Variants in SLC36A2 observed in about 807,000 individuals in gnomAD.
SLC36A2 encodes proton-coupled amino acid transporter 2.
SLC36A2 carries 39 observed loss-of-function variants against 42.7 expected under a neutral mutation model. That is an observed-to-expected ratio of 0.91 (90% CI 0.71 to 1.19). The LOEUF is 1.19. SLC36A2 is among the 50% of genes most tolerant of loss of function. SLC36A2 has a pLI of 0.00. For missense variants in SLC36A2, 590 were observed against 613.7 expected, an observed-to-expected ratio of 0.96 and a Z score of 0.41; for synonymous variants, 237 against 240.8, an observed-to-expected ratio of 0.98 and a Z score of 0.15.
chr5:151,339,184 A>T, intron 4 of SLC36A2, 40 bp from the exon 5 acceptor site: 1 of 1,497,088 alleles, frequency 6.7e-7, no homozygotes, highest in Non-Finnish European at 9.3e-7. Context: ...ACTTGTTATA[A>T]AATAAGTCAA....
At chr5:151,340,255 G>C (rs1756301687) in intron 4 of SLC36A2, among the ~76,000 whole-genome samples, 1 of 146,428 alleles carries the variant, frequency 6.8e-6, no homozygotes, top group Non-Finnish European at 1.5e-5. Flanking sequence ...GGGGGAAGAA[G>C]AGGAGGAGGT....
intron 9 of SLC36A2, chr5:151,319,113 T>C (rs1755607753): frequency 1.0e-6 from 1 of 965,286 alleles, no homozygotes; most frequent in South Asian, 4.8e-5. Flanking sequence ...TTGTGATTCA[T>C]TCTGCATAGG....
chr5:151,329,144 T>A (rs927448883), intron 7 of SLC36A2, among the ~76,000 whole-genome samples: 4 of 152,228 alleles, frequency 2.6e-5, no homozygotes, highest in African/African-American at 9.7e-5. Flanking sequence ...ATGGGAAGCA[T>A]CAAAGCAAAG....
At chr5:151,343,069 C>T in intron 3 of SLC36A2, 86 bp from the exon 4 acceptor site, 1 of 1,053,788 alleles carries the variant, frequency 9.5e-7, no homozygotes. Flanking sequence ...CAGAACAAGG[C>T]AGGACACAGC....
At chr5:151,325,848 T>A (rs570898301) in intron 7 of SLC36A2, among the ~76,000 whole-genome samples, 1 of 152,194 alleles carries the variant, frequency 6.6e-6, no homozygotes, top group African/African-American at 2.4e-5. Flanking sequence ...AGAGGCAGAA[T>A]GCTAGTTGGG....
At chr5:151,319,233 T>A in intron 9 of SLC36A2, 2 of 544,048 alleles carry the variant, frequency 3.7e-6, no homozygotes, top group Non-Finnish European at 4.7e-6. Context: ...CATGAAGAAG[T>A]GTAGTGTAGG....
chr5:151,332,287 A>C (rs1450874280), intron 7 of SLC36A2: 1 of 365,608 alleles, frequency 2.7e-6, no homozygotes, highest in Non-Finnish European at 5.4e-6. Context: ...ATATATAAAG[A>C]ACTCTTAAAA....
intron 7 of SLC36A2, 93 bp from the exon 8 acceptor site, chr5:151,325,545 G>A: frequency 7.7e-7 from 1 of 1,294,704 alleles, no homozygotes; most frequent in East Asian, 2.3e-5. Context: ...CCAAAGAACT[G>A]AAAGCAGGGC....
At chr5:151,342,607 C>T (rs1561662076) in intron 4 of SLC36A2, among the ~76,000 whole-genome samples, 1 of 152,168 alleles carries the variant, frequency 6.6e-6, no homozygotes, top group African/African-American at 2.4e-5. Flanking sequence ...TCTTCTCAGT[C>T]CCCATGACAT....
rs762483509 is a variant in SLC36A2, at chr5:151,317,080, C to T, written c.1189G>A (p.Ala397Thr). The change falls in exon 10 of 10, where the codon GCC becomes ACC. Residue 397 changes from alanine (A) to threonine (T), a missense_variant. Coordinates refer to ENST00000335244, the MANE Select transcript of SLC36A2 (RefSeq NM_181776.3). ...LVMVCLTCLL[A>T]ILIPRLDLVI... The stretch of plus-strand genomic sequence containing the variant: ...AGGTCCAGGCGGGGGATGAGGATGG[C>T]CAGGAGGCCTGCAGGGAGAGGATAG... The T allele has an allele frequency of 6.2e-7, 1 of 1,614,030 alleles. No homozygotes were observed.
At chr5:151,321,904 C>T in intron 9 of SLC36A2, 142 bp downstream of exon 9, 3 of 1,005,564 alleles carry the variant, frequency 3.0e-6, no homozygotes, top group Admixed American at 3.9e-5. Flanking sequence ...TCTGAAACTC[C>T]TGACCTCAGG....
intron 6 of SLC36A2, among the ~76,000 whole-genome samples, chr5:151,333,999 T>C (rs1756075621): frequency 6.6e-6 from 1 of 152,192 alleles, no homozygotes; most frequent in South Asian, 2.1e-4. Flanking sequence ...AAAGTATGAG[T>C]TAAATATGAA....
intron 8 of SLC36A2, among the ~76,000 whole-genome samples, chr5:151,324,093 A>T (rs934196963): frequency 6.6e-6 from 1 of 152,178 alleles, no homozygotes; most frequent in African/African-American, 2.4e-5. Flanking sequence ...TGAATTGAGT[A>T]TGCTAGAACA....
intron 7 of SLC36A2, among the ~76,000 whole-genome samples, chr5:151,326,050 TAAAAG>T (rs1373696650): frequency 2.7e-5 from 4 of 150,580 alleles, no homozygotes; most frequent in Admixed American, 6.6e-5. Flanking sequence ...AAAAAGGAAA[TAAAAG>T]AGGAGGAAAA....
Position 151,315,416 on chromosome 5 carries a change from G to T in SLC36A2, c.*1401C>A, listed in dbSNP as rs1755464879. The T allele has an allele frequency of 6.6e-6, 1 of 152,192 alleles. No homozygotes were observed. Among genetic ancestry groups the T allele is most frequent in the Non-Finnish European group, 1.5e-5 (1 of 68,084 alleles). 9.4% of individuals were successfully genotyped at this position (152,192 alleles called of 1,614,324 possible). On this transcript the variant is annotated 3_prime_UTR_variant, in exon 10 of 10. Transcript: ENST00000335244. ...GGCCGAGGCAAGTGGATCACCTGAG[G>T]TCAGGAGTTTGAGACCAGCCTGGCC...
At chr5:151,342,002 A>C (rs1306071114) in intron 4 of SLC36A2, among the ~76,000 whole-genome samples, 1 of 152,144 alleles carries the variant, frequency 6.6e-6, no homozygotes, top group Non-Finnish European at 1.5e-5. Context: ...GGTACTGTTA[A>C]TAGCCCCCTC....
intron 6 of SLC36A2, among the ~76,000 whole-genome samples, chr5:151,334,688 C>T (rs1756096474): frequency 6.6e-6 from 1 of 151,958 alleles, no homozygotes; most frequent in Admixed American, 6.6e-5. Context: ...GAGAGTCTGT[C>T]TCAAATAAAT....
chr5:151,321,331 ATTTTC>A (rs1755680653), intron 9 of SLC36A2, among the ~76,000 whole-genome samples: 1 of 126,462 alleles, frequency 7.9e-6, no homozygotes, highest in Non-Finnish European at 1.6e-5. Context: ...ATGCCTGGCT[ATTTTC>A]TTTTCTTTCT....
chr5:151,323,790 C>T (rs969475226), intron 8 of SLC36A2, among the ~76,000 whole-genome samples: 4 of 152,150 alleles, frequency 2.6e-5, no homozygotes, highest in African/African-American at 9.7e-5. Flanking sequence ...CAGGAGCCGG[C>T]GAAGATAGTG....
Sources: gnomAD v4.1 joint callset for allele counts (sites outside exome capture counted in the v4.1 genomes callset) on GRCh38, gnomAD v4.1.1 for gene constraint, MANE v1.5 for transcripts, NCBI Gene and HGNC (gene_info 2026-07-23, HGNC 2026-07-21) for gene names.